The following TNKS2 variants were observed in gnomAD, a reference collection of about 807,000 sequenced individuals.
TNKS2 encodes the protein tankyrase 2, also known as poly [ADP-ribose] polymerase tankyrase-2.
TNKS2 carries 72 observed loss-of-function variants against 137.6 expected under a neutral mutation model. The observed-to-expected ratio is 0.52, with a 90% CI of 0.43 to 0.64. TNKS2 has a LOEUF of 0.64. Among genes scored for constraint, TNKS2 ranks in the 30% least tolerant of loss-of-function variants. The pLI is 0.00. For synonymous variants in TNKS2, 516 were observed against 512.1 expected, an observed-to-expected ratio of 1.01 and a Z score of -0.10; for missense variants, 1,049 against 1,410.2, an observed-to-expected ratio of 0.74 and a Z score of 4.10.
At chr10:91,839,492 A>G (rs1246740643) in intron 13 of TNKS2, among the ~76,000 whole-genome samples, 1 of 151,812 alleles carries the variant, frequency 6.6e-6, no homozygotes, top group East Asian at 2.0e-4. Context: ...GGGTTTTGCC[A>G]TGTTGGCCAG....
intron 11 of TNKS2, among the ~76,000 whole-genome samples, chr10:91,833,312 A>G (rs994649468): frequency 6.6e-6 from 1 of 152,142 alleles, no homozygotes; most frequent in Admixed American, 6.5e-5. Flanking sequence ...CTTTTCCCAC[A>G]TTGTATAATG....
At chr10:91,817,511 T>G (rs1844745352) in intron 3 of TNKS2, among the ~76,000 whole-genome samples, 1 of 152,222 alleles carries the variant, frequency 6.6e-6, no homozygotes, top group South Asian at 2.1e-4. Context: ...TCAGGACATT[T>G]TTTAAATACC....
rs910163989 is a variant in TNKS2, at chr10:91,831,247, C to T, written c.1275+66C>T. The T allele has an allele frequency of 3.7e-6, 5 of 1,351,224 alleles. No homozygotes were observed. The African/African-American group carries it at 5.8e-5, about 16-fold the overall frequency. The allele number at this position is 1,351,224 out of a possible 1,614,324, so 83.7% of individuals were successfully genotyped here. A position where few individuals can be genotyped will look rare whatever the true frequency, so the allele number is the denominator to read the frequency against. ...TATTTTTTATTTAGCAGGTGAAATG[C>T]CTGACTTCCTAAACTATTTACTTTC... is the stretch of plus-strand genomic sequence containing the variant. On this transcript the variant is annotated intron_variant, in intron 11 of 26. Coordinates refer to ENST00000371627, the MANE Select transcript of TNKS2 (RefSeq NM_025235.4).
intron 12 of TNKS2, among the ~76,000 whole-genome samples, chr10:91,834,420 C>T (rs1841929973): frequency 6.6e-6 from 1 of 152,210 alleles, no homozygotes; most frequent in Non-Finnish European, 1.5e-5. Context: ...CAACTGAATA[C>T]ACTCATATTC....
chr10:91,850,086 C>T (rs1266192419), intron 20 of TNKS2, among the ~76,000 whole-genome samples: 1 of 152,170 alleles, frequency 6.6e-6, no homozygotes, highest in Non-Finnish European at 1.5e-5. Context: ...GAACATATGG[C>T]CGGGTGCAGT....
intron 14 of TNKS2, 95 bp from the exon 15 acceptor site, chr10:91,841,188 A>C: frequency 9.0e-7 from 1 of 1,111,812 alleles, no homozygotes; most frequent in Non-Finnish European, 1.2e-6. Flanking sequence ...ATAATTCCTT[A>C]TGTAGTTCAA....
Position 91,863,235 on chromosome 10 carries a change from G to A in TNKS2, c.*236G>A, listed in dbSNP as rs1444826390. ...AACAGATGCCATTCCAGGTTAAACTGGGTTGTCTGTACTAAATTATAAACA... is the reference window on the plus strand; with the variant it reads ...AACAGATGCCATTCCAGGTTAAACTAGGTTGTCTGTACTAAATTATAAACA... On this transcript the variant is annotated 3_prime_UTR_variant, in exon 27 of 27. Coordinates refer to ENST00000371627, the MANE Select transcript of TNKS2 (RefSeq NM_025235.4). The A allele has an allele frequency of 6.3e-5, 26 of 412,320 alleles. No individual in the cohort carries two copies. The South Asian group carries it at 7.4e-4, about 12-fold the overall frequency. The allele number at this position is 412,320 out of a possible 1,614,324, so 25.5% of individuals were successfully genotyped here.
intron 12 of TNKS2, among the ~76,000 whole-genome samples, chr10:91,835,300 T>G (rs1486887427): frequency 6.6e-6 from 1 of 151,234 alleles, no homozygotes; most frequent in Non-Finnish European, 1.5e-5. Context: ...TTTTTTTCTT[T>G]TTTTTTCCAA....
chr10:91,803,116 T>C (rs1479925452), intron 1 of TNKS2, among the ~76,000 whole-genome samples: 1 of 152,226 alleles, frequency 6.6e-6, no homozygotes, highest in African/African-American at 2.4e-5. Flanking sequence ...CCAGACAGTA[T>C]GTCTATCCCA....
In TNKS2 at chr10:91,841,411, C is replaced by T. The variant is rs1321532931; in HGVS notation, c.1802C>T (p.Ala601Val). 1 of 1,607,108 alleles carries T rather than the reference C, an allele frequency of 6.2e-7. No individual in the cohort carries two copies. Among genetic ancestry groups the T allele is most frequent in the Non-Finnish European group, 8.5e-7 (1 of 1,177,114 alleles). Residue 601 changes from alanine (A) to valine (V), a missense_variant, in exon 15 of 27, where the codon GCA becomes GTA. This residue lies in a region of TNKS2 where 328 missense variants were observed against 436.0 expected (regional missense o/e 0.75). Coordinates refer to ENST00000371627, the MANE Select transcript of TNKS2 (RefSeq NM_025235.4). Reference sequence around the variant, plus strand: ...TTTACACCTTTACATGAAGCAGCAGCAAAAGGAAAATATGAAATTTGCAAA... The same window carrying T: ...TTTACACCTTTACATGAAGCAGCAGTAAAAGGAAAATATGAAATTTGCAAA... Reference protein sequence around the residue: ...WKFTPLHEAAAKGKYEICKLL... With the variant: ...WKFTPLHEAAVKGKYEICKLL...
intron 13 of TNKS2, among the ~76,000 whole-genome samples, chr10:91,838,659 C>G (rs751638946): frequency 9.2e-5 from 14 of 152,154 alleles, no homozygotes; most frequent in Non-Finnish European, 1.8e-4. Flanking sequence ...GAAATACCAT[C>G]TCTTGAATGG....
chr10:91,821,808 A>G (rs147455622), intron 6 of TNKS2, among the ~76,000 whole-genome samples: 3 of 152,370 alleles, frequency 2.0e-5, no homozygotes, highest in Non-Finnish European at 4.4e-5. Context: ...GTAGAGGCAT[A>G]CAGGGAATTA....
At chr10:91,817,504 G>A (rs2133608701) in intron 3 of TNKS2, among the ~76,000 whole-genome samples, 1 of 152,246 alleles carries the variant, frequency 6.6e-6, no homozygotes, top group African/African-American at 2.4e-5. Context: ...AGTATATTCA[G>A]GACATTTTTT....
chr10:91,864,005 G>A lies in TNKS2; in HGVS notation c.*1006G>A, dbSNP rs1370462070. On this transcript the variant is annotated 3_prime_UTR_variant, in exon 27 of 27. Transcript: ENST00000371627. ...AAGGGGAAAAAAAAAATCACAAACA[G>A]GACTGGGTAGTTTTTTATCCTAAGT... The A allele has an allele frequency of 6.6e-6, 1 of 151,930 alleles. No homozygotes were observed. Among genetic ancestry groups the A allele is most frequent in the Non-Finnish European group, 1.5e-5 (1 of 67,982 alleles). The allele number at this position is 151,930 out of a possible 1,614,324, so 9.4% of individuals were successfully genotyped here. A position where few individuals can be genotyped will look rare whatever the true frequency, so the allele number is the denominator to read the frequency against.
At chr10:91,856,738 T>C (rs1038330359) in intron 23 of TNKS2, among the ~76,000 whole-genome samples, 3 of 152,334 alleles carry the variant, frequency 2.0e-5, no homozygotes, top group South Asian at 4.1e-4. Flanking sequence ...TTGTGACAGT[T>C]ACGATCCTTG....
intron 24 of TNKS2, among the ~76,000 whole-genome samples, chr10:91,858,801 G>A (rs912207315): frequency 1.1e-4 from 17 of 152,212 alleles, no homozygotes; most frequent in Non-Finnish European, 2.2e-4. Flanking sequence ...CTGAGGTCAG[G>A]AGTTTGAGAC....
At chr10:91,830,258 C>T (rs1267561758) in intron 9 of TNKS2, among the ~76,000 whole-genome samples, 2 of 152,184 alleles carry the variant, frequency 1.3e-5, no homozygotes, top group Non-Finnish European at 2.9e-5. Context: ...TGCTCTGTCG[C>T]CCACGCTAGA....
chr10:91,798,499 G>T lies in TNKS2; in HGVS notation c.-192G>T, dbSNP rs547664150. On this transcript the variant is annotated 5_prime_UTR_variant, in exon 1 of 27. Coordinates refer to ENST00000371627, the MANE Select transcript of TNKS2 (RefSeq NM_025235.4). ...GCCTCCGCCGCCGCGGGGCAGCCGG[G>T]GGGCAGGGAGCCCAGCGAGGGGCGC... 3 of 536,324 alleles carry T rather than the reference G, an allele frequency of 5.6e-6. No homozygotes were observed. The highest frequency in any genetic ancestry group is 9.5e-5 in the South Asian group (1 of 10,476). The allele number at this position is 536,324 out of a possible 1,614,324, so 33.2% of individuals were successfully genotyped here.
In TNKS2 at chr10:91,798,659, C is replaced by A; in HGVS notation, c.-32C>A. 1 of 1,219,304 alleles carries A rather than the reference C, an allele frequency of 8.2e-7. No individual in the cohort carries two copies. The highest frequency in any genetic ancestry group is 3.3e-5 in the East Asian group (1 of 30,008). 75.5% of individuals were successfully genotyped at this position (1,219,304 alleles called of 1,614,324 possible). A position where few individuals can be genotyped will look rare whatever the true frequency, so the allele number is the denominator to read the frequency against. ...CCGGGGCTCCTGCTCCGGTTGCTGG[C>A]GCTGTTGCTGGCTGTGGCGGCGGCC... On this transcript the variant is annotated 5_prime_UTR_variant, in exon 1 of 27. Coordinates refer to ENST00000371627, the MANE Select transcript of TNKS2 (RefSeq NM_025235.4).
Sources: gnomAD v4.1 joint callset for allele counts (sites outside exome capture counted in the v4.1 genomes callset) on GRCh38, gnomAD v4.1.1 for gene constraint, gnomAD v4.1.1 regional missense constraint, MANE v1.5 for transcripts, NCBI Gene and HGNC (gene_info 2026-07-23, HGNC 2026-07-21) for gene names.